The following PIK3C2A variants were observed in gnomAD, a reference collection of about 807,000 sequenced individuals.
PIK3C2A encodes phosphatidylinositol 4-phosphate 3-kinase C2 domain-containing subunit alpha.
PIK3C2A carries 97 observed loss-of-function variants against 204.5 expected under a neutral mutation model. The observed-to-expected ratio is 0.47, with a 90% CI of 0.40 to 0.56. PIK3C2A has a LOEUF of 0.56. Among genes scored for constraint, PIK3C2A ranks in the 20% least tolerant of loss-of-function variants. PIK3C2A has a pLI of 0.00. For synonymous variants in PIK3C2A, 653 were observed against 664.4 expected (o/e 0.98, Z 0.26); for missense variants, 1,735 against 1,969.2 (o/e 0.88, Z 2.25).
At chr11:17,106,073 C>T (rs1017760071) in intron 22 of PIK3C2A, among the ~76,000 whole-genome samples, 75 of 150,898 alleles carry the variant, frequency 5.0e-4, no homozygotes, top group Non-Finnish European at 8.8e-4. Flanking sequence ...AGCACTACTG[C>T]ACTCCAGCCT....
chr11:17,106,539 C>T (rs942342306), intron 22 of PIK3C2A, among the ~76,000 whole-genome samples: 6 of 152,214 alleles, frequency 3.9e-5, no homozygotes, highest in Non-Finnish European at 7.3e-5. Flanking sequence ...CATCCATGTA[C>T]TAATTCCCAA....
intron 1 of PIK3C2A, among the ~76,000 whole-genome samples, chr11:17,206,351 T>C (rs527860904): frequency 6.6e-6 from 1 of 152,248 alleles, no homozygotes; most frequent in South Asian, 2.1e-4. Context: ...ATAAAATCTC[T>C]CTATTCCCAG....
intron 19 of PIK3C2A, among the ~76,000 whole-genome samples, chr11:17,115,228 A>G (rs1294675287): frequency 6.6e-6 from 1 of 151,966 alleles, no homozygotes; most frequent in African/African-American, 2.4e-5. Context: ...TTACTATAAA[A>G]CTATGGTAAT....
At chr11:17,113,357 C>T (rs745666511) in intron 20 of PIK3C2A, among the ~76,000 whole-genome samples, 1 of 152,082 alleles carries the variant, frequency 6.6e-6, no homozygotes, top group Non-Finnish European at 1.5e-5. Flanking sequence ...CAGAACACAA[C>T]GTCTTGTGAT....
chr11:17,184,210 C>T (rs1208430599), intron 1 of PIK3C2A, among the ~76,000 whole-genome samples: 4 of 136,744 alleles, frequency 2.9e-5, no homozygotes, highest in Admixed American at 8.5e-5. Context: ...TTATAGTACA[C>T]TCCTTCTACT....
intron 11 of PIK3C2A, among the ~76,000 whole-genome samples, chr11:17,133,596 T>G (rs145772472): frequency 1.3e-5 from 2 of 152,180 alleles, no homozygotes; most frequent in African/African-American, 4.8e-5. Context: ...ACTAAAAATA[T>G]TTCTGACTTT....
chr11:17,117,708 G>GTTTT (rs35485246), intron 18 of PIK3C2A, 37 bp from the exon 19 acceptor site: 753 of 318,664 alleles, frequency 2.4e-3, no homozygotes, highest in South Asian at 4.4e-3. Context: ...TCACGTCTTG[G>GTTTT]TTTTTTTTTT....
At chr11:17,162,335 C>A in intron 2 of PIK3C2A, among the ~76,000 whole-genome samples, 1 of 142,832 alleles carries the variant, frequency 7.0e-6, no homozygotes, top group Non-Finnish European at 1.5e-5. Flanking sequence ...AGTGAGACTC[C>A]ATCTAAAAAA....
chr11:17,105,624 CAT>C (rs1848786457), intron 22 of PIK3C2A, among the ~76,000 whole-genome samples: 1 of 152,182 alleles, frequency 6.6e-6, no homozygotes, highest in Admixed American at 6.5e-5. Context: ...TCAACTCCCA[CAT>C]ATGAGTGGGA....
chr11:17,155,166 T>C lies in PIK3C2A; in HGVS notation c.1169+360A>G, dbSNP rs77856458. On this transcript the variant is annotated intron_variant, in intron 3 of 32. Transcript: ENST00000691414. ...GCCTATTATAATATCATCTCTTAAA[T>C]ATGTTGAACAGTATTTTGAATGCTA... Among the ~76,000 whole-genome samples the C allele has an allele frequency of 4.5e-4, 69 of 152,318 alleles. No individual in the cohort carries two copies. The East Asian group carries it at 0.012, about 26-fold the overall frequency.
chr11:17,158,650 G>A (rs749930817), intron 2 of PIK3C2A, among the ~76,000 whole-genome samples: 3 of 152,018 alleles, frequency 2.0e-5, no homozygotes, highest in African/African-American at 4.8e-5. Context: ...GAAAAACAAC[G>A]TTGTGACCTT....
At chr11:17,092,835 G>C (rs996212110) in intron 28 of PIK3C2A, among the ~76,000 whole-genome samples, 1 of 152,022 alleles carries the variant, frequency 6.6e-6, no homozygotes, top group African/African-American at 2.4e-5. Flanking sequence ...GACATTAAAA[G>C]TAATGGCAAA....
chr11:17,125,252 C>T (rs148476015), intron 13 of PIK3C2A, among the ~76,000 whole-genome samples: 163 of 152,178 alleles, frequency 1.1e-3, no homozygotes, highest in African/African-American at 3.7e-3. Context: ...AGTGATTTTC[C>T]TTCCAGCAGA....
rs771401060 is a variant in PIK3C2A at position 17,145,850 on chromosome 11, T to G, written c.1640+13A>C. The G allele has an allele frequency of 6.2e-7, 1 of 1,609,326 alleles. No homozygotes were observed. Among genetic ancestry groups the G allele is most frequent in the South Asian group, 1.1e-5 (1 of 91,008 alleles). ...AGTCTGAAAACCTGCAATTAATGCTTTAGATGATATACCTCGTCATGGCTT... is the reference window on the plus strand; with the variant it reads ...AGTCTGAAAACCTGCAATTAATGCTGTAGATGATATACCTCGTCATGGCTT... On this transcript the variant is annotated intron_variant, in intron 7 of 32. Coordinates refer to ENST00000691414, the MANE Select transcript of PIK3C2A (RefSeq NM_002645.4).
chr11:17,189,966 AT>A (rs1851886592), intron 1 of PIK3C2A, among the ~76,000 whole-genome samples: 2 of 152,116 alleles, frequency 1.3e-5, no homozygotes, highest in South Asian at 4.1e-4. Flanking sequence ...TGGAATTATT[AT>A]TAAATAGTAA....
chr11:17,190,685 G>A (rs143750637), intron 1 of PIK3C2A, among the ~76,000 whole-genome samples: 63 of 151,828 alleles, frequency 4.1e-4, no homozygotes, highest in Non-Finnish European at 2.8e-4. Context: ...CTACAGAAAA[G>A]AAATACTGGA....
chr11:17,123,687 T>C (rs1213729600), intron 13 of PIK3C2A, among the ~76,000 whole-genome samples: 1 of 152,178 alleles, frequency 6.6e-6, no homozygotes, highest in Admixed American at 6.5e-5. Flanking sequence ...ATTTTCCTGT[T>C]GTAGTTCAAA....
intron 1 of PIK3C2A, among the ~76,000 whole-genome samples, chr11:17,177,872 C>T (rs1851387907): frequency 6.6e-6 from 1 of 152,088 alleles, no homozygotes; most frequent in African/African-American, 2.4e-5. Context: ...GCAGGTGGAT[C>T]ACCTGAGGAC....
chr11:17,194,478 T>C (rs1183293204), intron 1 of PIK3C2A: 1 of 156,972 alleles, frequency 6.4e-6, no homozygotes, highest in Admixed American at 6.5e-5. Flanking sequence ...AATGAGGACT[T>C]TGAATTAGAA....
Sources: allele counts gnomAD v4.1 joint callset (sites outside exome capture counted in the v4.1 genomes callset), GRCh38; gene constraint gnomAD v4.1.1; transcripts MANE v1.5; gene names NCBI Gene and HGNC (gene_info 2026-07-23, HGNC 2026-07-21).